Variants in CDK18 observed in about 807,000 individuals in gnomAD.
CDK18 encodes cyclin dependent kinase 18.
CDK18 carries 52 observed loss-of-function variants against 62.0 expected under a neutral mutation model. That is an observed-to-expected ratio of 0.84 (90% CI 0.67 to 1.06). The LOEUF (loss-of-function observed/expected upper bound fraction) is 1.06. Ranked by LOEUF, CDK18 falls within the 50% of genes least tolerant of loss-of-function variation. The pLI is 0.00. For synonymous variants in CDK18, 237 were observed against 247.0 expected, an observed-to-expected ratio of 0.96 and a Z score of 0.38; for missense variants, 604 against 619.9, an observed-to-expected ratio of 0.97 and a Z score of 0.27.
Position 205,527,228 on chromosome 1 carries a change from C to G in CDK18, c.729+391C>G, listed in dbSNP as rs985055616. The G allele has an allele frequency of 8.4e-6, 2 of 237,908 alleles. No homozygotes were observed. Among genetic ancestry groups the G allele is most frequent in the African/African-American group, 4.5e-5 (2 of 44,196 alleles). The allele number at this position is 237,908 out of a possible 1,614,324, so 14.7% of individuals were successfully genotyped here. A position where few individuals can be genotyped will look rare whatever the true frequency, so the allele number is the denominator to read the frequency against. On this transcript the variant is annotated intron_variant, in intron 8 of 15. Coordinates refer to ENST00000429964, the MANE Select transcript of CDK18 (RefSeq NM_212502.3). This position sits in a 1 kb window ranked among gnomAD's most constrained non-coding sequence, Gnocchi z 4.1. The stretch of plus-strand genomic sequence containing the variant: ...GGGCATGGTGGCCCACGCCTGTAAT[C>G]CCAGCACTGGGAGGCCAAGGCAGGA...
chr1:205,530,428 C>A, intron 14 of CDK18, 79 bp downstream of exon 14: 3 of 1,468,100 alleles, frequency 2.0e-6, no homozygotes, highest in Admixed American at 3.4e-5. Flanking sequence ...AGAACCAGAA[C>A]AAAGAGGCCA....
At position 205,526,112 on chromosome 1, in the gene CDK18, C is replaced by T. The variant is rs374754341; in HGVS notation, c.504C>T (p.Asn168=). 12 of 1,614,078 alleles carry T rather than the reference C, an allele frequency of 7.4e-6. No homozygotes were observed. The highest frequency in any genetic ancestry group is 1.1e-5 in the South Asian group (1 of 91,050). The stretch of plus-strand genomic sequence containing the variant: ...AAGGGCGCAGCAAACTGACGGAGAA[C>T]CTTGTGGCCCTGAAAGAGATCCGGC... ...VFKGRSKLTE[N]LVALKEIRLE... Residue 168 remains asparagine, a synonymous_variant, in exon 6 of 16, where the codon AAC becomes AAT. Coordinates refer to ENST00000429964, the MANE Select transcript of CDK18 (RefSeq NM_212502.3).
intron 4 of CDK18, 90 bp downstream of exon 4, chr1:205,524,447 A>AT: frequency 6.7e-7 from 1 of 1,485,698 alleles, no homozygotes. Context: ...CCTAGATGGG[A>AT]TTTCGAGGAA....
chr1:205,524,088 T>C (rs938923964), intron 3 of CDK18, 144 bp from the exon 4 acceptor site: 1 of 958,530 alleles, frequency 1.0e-6, no homozygotes, highest in Non-Finnish European at 1.6e-6. Context: ...GGAGCAGCTG[T>C]GAGCCTGGGG....
intron 13 of CDK18, chr1:205,529,896 A>C: frequency 7.3e-7 from 1 of 1,362,784 alleles, no homozygotes; most frequent in Non-Finnish European, 9.6e-7. Context: ...GGACACACTT[A>C]GTGTGGTGCC....
At chr1:205,529,890 A>G in intron 13 of CDK18, 11 of 1,361,174 alleles carry the variant, frequency 8.1e-6, no homozygotes, top group Admixed American at 2.8e-5. Context: ...ATGACGGGAC[A>G]CACTTAGTGT....
chr1:205,509,098 G>A (rs1359461628), intron 1 of CDK18, among the ~76,000 whole-genome samples: 1 of 149,342 alleles, frequency 6.7e-6, no homozygotes, highest in Non-Finnish European at 1.5e-5. Context: ...GCAGTGAGCC[G>A]AGGTCGCACC....
In CDK18 at chr1:205,528,678, A is replaced by C. The variant is rs12734053; in HGVS notation, c.975-321A>C. The C allele has an allele frequency of 1.5e-3, 508 of 334,530 alleles. 2 individuals are homozygous for C. Among genetic ancestry groups the C allele is most frequent in the East Asian group, 8.0e-3 (168 of 21,118 alleles). The allele number at this position is 334,530 out of a possible 1,614,324, so 20.7% of individuals were successfully genotyped here. A position where few individuals can be genotyped will look rare whatever the true frequency, so the allele number is the denominator to read the frequency against. ...TCTCTTCCAGTGGGGCACACAGTGGAGAGAGTTTGAGACAACACTGCTGAG... is the reference window on the plus strand; with the variant it reads ...TCTCTTCCAGTGGGGCACACAGTGGCGAGAGTTTGAGACAACACTGCTGAG... On this transcript the variant is annotated intron_variant, in intron 10 of 15. Coordinates refer to ENST00000429964, the MANE Select transcript of CDK18 (RefSeq NM_212502.3). The surrounding 1 kb of genome is among the most constrained non-coding windows in gnomAD (Gnocchi z 4.2).
intron 1 of CDK18, among the ~76,000 whole-genome samples, chr1:205,514,315 G>A (rs1185292754): frequency 6.6e-6 from 1 of 152,108 alleles, no homozygotes; most frequent in Non-Finnish European, 1.5e-5. Context: ...ATCTGCTTGG[G>A]TACCAATCCC....
intron 3 of CDK18, 115 bp from the exon 4 acceptor site, chr1:205,524,117 C>A: frequency 8.1e-7 from 1 of 1,240,586 alleles, no homozygotes; most frequent in Non-Finnish European, 1.2e-6. Context: ...TGTGATTGGG[C>A]TCTGAATGGT....
chr1:205,524,981 G>A (rs1170691615), intron 4 of CDK18, among the ~76,000 whole-genome samples, 158 bp from the exon 5 acceptor site: 1 of 152,122 alleles, frequency 6.6e-6, no homozygotes, highest in East Asian at 1.9e-4. Flanking sequence ...ACACTTTCAC[G>A]AGCTCTGTCC....
At chr1:205,513,898 G>A (rs540063050) in intron 1 of CDK18, among the ~76,000 whole-genome samples, 1 of 152,354 alleles carries the variant, frequency 6.6e-6, no homozygotes, top group East Asian at 1.9e-4. Context: ...GCAGGACACT[G>A]CCCCCACTGC....
At chr1:205,526,911 C>T in intron 8 of CDK18, 74 bp downstream of exon 8, 3 of 1,216,780 alleles carry the variant, frequency 2.5e-6, no homozygotes, top group Non-Finnish European at 2.4e-6. Flanking sequence ...GACCCACTCT[C>T]ACCACCAGGG....
chr1:205,512,228 G>A (rs1667597868), intron 1 of CDK18, among the ~76,000 whole-genome samples: 1 of 152,174 alleles, frequency 6.6e-6, no homozygotes, highest in Non-Finnish European at 1.5e-5. Context: ...AGGTCACCCA[G>A]GAAGCATGCC....
chr1:205,530,771 C>A, intron 15 of CDK18, 66 bp downstream of exon 15: 5 of 1,275,132 alleles, frequency 3.9e-6, no homozygotes. Context: ...CGACCCCTCC[C>A]CAGTGGGGAC....
Position 205,528,063 on chromosome 1 carries a change from A to T in CDK18, c.869A>T (p.Lys290Met), listed in dbSNP as rs775771018. ...KLADFGLARA[K>M]SVPTKTYSNE... is the part of the protein sequence containing the mutation. ...CTGCCCCCAGGACTGGCCAGGGCCAAGTCAGTGCCCACAAAGACTTACTCC... is the reference window on the plus strand; with the variant it reads ...CTGCCCCCAGGACTGGCCAGGGCCATGTCAGTGCCCACAAAGACTTACTCC... Residue 290 changes from lysine to methionine, a missense_variant, in exon 10 of 16, where the codon AAG becomes ATG. Coordinates refer to ENST00000429964, the MANE Select transcript of CDK18 (RefSeq NM_212502.3). This position sits in a 1 kb window ranked among gnomAD's most constrained non-coding sequence, Gnocchi z 4.2. 3.7e-6 allele frequency: 6 copies of T among 1,614,180 alleles called. No individual in the cohort carries two copies. The highest frequency in any genetic ancestry group is 5.1e-6 in the Non-Finnish European group (6 of 1,180,006).
rs1357554748 is a variant in CDK18 at position 205,526,149 on chromosome 1, G to A, written c.541G>A (p.Glu181Lys). The change falls in exon 6 of 16, where the codon GAG (glutamate) becomes AAG (lysine). Residue 181 changes from glutamate (E) to lysine (K), a missense_variant. Physicochemically the swap from Glu to Lys is moderately conservative, Grantham distance 56. Coordinates refer to ENST00000429964, the MANE Select transcript of CDK18 (RefSeq NM_212502.3). Reference sequence around the variant, plus strand: ...GAAAGAGATCCGGCTGGAGCACGAGGAGGGAGCGCCCTGCACTGCCATCCG... The same window carrying A: ...GAAAGAGATCCGGCTGGAGCACGAGAAGGGAGCGCCCTGCACTGCCATCCG... ...ALKEIRLEHE[E>K]GAPCTAIREV... 1.2e-6 allele frequency: 2 copies of A among 1,614,108 alleles called. No homozygotes were observed. The highest frequency in any genetic ancestry group is 1.7e-6 in the Non-Finnish European group (2 of 1,179,970).
At chr1:205,530,853 C>T in intron 15 of CDK18, 148 bp downstream of exon 15, 1 of 659,882 alleles carries the variant, frequency 1.5e-6, no homozygotes, top group Non-Finnish European at 2.7e-6. Context: ...GTTTCTCCTG[C>T]CTAGACTTCC....
In CDK18 at chr1:205,528,165, T is replaced by C; in HGVS notation, c.971T>C (p.Met324Thr). 1 of 1,613,494 alleles carries C rather than the reference T, an allele frequency of 6.2e-7. No homozygotes were observed. The highest frequency in any genetic ancestry group is 8.5e-7 in the Non-Finnish European group (1 of 1,179,946). The change falls in exon 10 of 16, where the codon ATG becomes ACG. Residue 324 changes from methionine to threonine, a missense_variant. By Grantham distance (81) the Met-to-Thr change is moderately conservative. Coordinates refer to ENST00000429964, the MANE Select transcript of CDK18 (RefSeq NM_212502.3). This position sits in a 1 kb window ranked among gnomAD's most constrained non-coding sequence, Gnocchi z 4.2. Reference sequence around the variant, plus strand: ...ACAGAGTACTCCACCCCCATTGATATGTGGTGAGTGAGCACTGTGGGGACC... The same window carrying C: ...ACAGAGTACTCCACCCCCATTGATACGTGGTGAGTGAGCACTGTGGGGACC... ...GSTEYSTPID[M>T]WGVGCIHYEM...
Sources: allele counts gnomAD v4.1 joint callset (sites outside exome capture counted in the v4.1 genomes callset), GRCh38; gene constraint gnomAD v4.1.1; non-coding constraint Gnocchi (gnomAD v3.1); transcripts MANE v1.5; gene names NCBI Gene and HGNC (gene_info 2026-07-23, HGNC 2026-07-21).